Variants in ARL15 observed in about 807,000 individuals in gnomAD.
ARL15 encodes the protein ARF like GTPase 15, also known as ADP-ribosylation factor-like protein 15.
In ARL15, 19 loss-of-function variants were observed where a neutral mutation model predicts 25.2. The observed-to-expected ratio is 0.75, with a 90% confidence interval of 0.53 to 1.10. The LOEUF is 1.10. ARL15 is among the 50% of genes least tolerant of loss of function. ARL15 has a pLI of 0.00. For missense variants in ARL15, 220 were observed against 246.0 expected (o/e 0.89, Z 0.71); for synonymous variants, 94 against 86.8 (o/e 1.08, Z -0.46).
At chr5:53,910,667 A>ATATATATATATATATATC (rs1745430556) in intron 4 of ARL15, among the ~76,000 whole-genome samples, 1 of 138,986 alleles carries the variant, frequency 7.2e-6, no homozygotes, top group Non-Finnish European at 1.6e-5. Flanking sequence ...ATATATATAT[A>ATATATATATATATATATC]TATATAAAGA....
intron 1 of ARL15, among the ~76,000 whole-genome samples, chr5:54,231,368 A>G (rs949057546): frequency 2.6e-5 from 4 of 152,106 alleles, no homozygotes; most frequent in African/African-American, 9.7e-5. Flanking sequence ...ACCCTCATCC[A>G]GCCTATAACA....
intron 3 of ARL15, among the ~76,000 whole-genome samples, chr5:54,123,112 C>CTT (rs564304323): frequency 1.8e-4 from 25 of 142,166 alleles, no homozygotes; most frequent in Admixed American, 8.5e-4. Flanking sequence ...TTTTATATTC[C>CTT]TTTTTTTTTT....
intron 1 of ARL15, among the ~76,000 whole-genome samples, chr5:54,238,005 T>C (rs994929478): frequency 2.6e-5 from 4 of 152,172 alleles, no homozygotes; most frequent in Non-Finnish European, 5.9e-5. Context: ...CCAGAGGACG[T>C]TTACTATAAT....
chr5:54,113,246 A>G lies in ARL15; in HGVS notation c.418T>C (p.Leu140=), dbSNP rs752467549. The change falls in exon 4 of 5, where the codon TTG becomes CTG. Residue 140 remains leucine, a synonymous_variant. Coordinates refer to ENST00000504924, the MANE Select transcript of ARL15 (RefSeq NM_019087.3). ...PQLCTLPFLI[L]ANHQDKPAAR... is the part of the protein sequence containing the mutation. ...GCTGGCTTGTCTTGATGATTGGCCA[A>G]TATTAAAAAGGGTAAAGTGCATAAC... 1 of 1,613,874 alleles carries G rather than the reference A, an allele frequency of 6.2e-7. No homozygotes were observed. Among genetic ancestry groups the G allele is most frequent in the South Asian group, 1.1e-5 (1 of 91,076 alleles).
chr5:53,996,440 A>G (rs3776724), intron 4 of ARL15, among the ~76,000 whole-genome samples: 41,374 of 151,854 alleles, frequency 0.27, 5,833 homozygotes, highest in East Asian at 0.46. Flanking sequence ...CCAGCATGGC[A>G]AAACTCCGTC....
chr5:54,051,421 T>G (rs2111988516), intron 4 of ARL15, among the ~76,000 whole-genome samples: 1 of 152,328 alleles, frequency 6.6e-6, no homozygotes, highest in East Asian at 1.9e-4. Context: ...TTTGCTTTAA[T>G]AGTTTAACAT....
intron 1 of ARL15, among the ~76,000 whole-genome samples, chr5:54,208,153 G>C (rs1024827096): frequency 1.3e-5 from 2 of 151,998 alleles, no homozygotes; most frequent in African/African-American, 2.4e-5. Flanking sequence ...ATGTTATTGG[G>C]AGCTCTCTGA....
chr5:54,181,894 G>A (rs953907421), intron 1 of ARL15, among the ~76,000 whole-genome samples: 3 of 146,606 alleles, frequency 2.0e-5, no homozygotes. Context: ...TTTCTCTGAT[G>A]GCCAGTGATG....
intron 1 of ARL15, among the ~76,000 whole-genome samples, chr5:54,230,885 T>G (rs1218875286): frequency 6.6e-6 from 1 of 151,976 alleles, no homozygotes. Context: ...GCTTGGTAGG[T>G]AAGCAAAAAA....
At chr5:53,946,763 G>A (rs1580107125) in intron 4 of ARL15, among the ~76,000 whole-genome samples, 1 of 152,270 alleles carries the variant, frequency 6.6e-6, no homozygotes, top group East Asian at 1.9e-4. Context: ...GCCCAGGGAG[G>A]AGATGGAAAA....
chr5:54,155,519 T>C (rs1361906337), intron 2 of ARL15, among the ~76,000 whole-genome samples: 1 of 152,222 alleles, frequency 6.6e-6, no homozygotes, highest in African/African-American at 2.4e-5. Context: ...TATCCACTTA[T>C]GCATAGGCAA....
chr5:54,270,965 T>C (rs1294412196), intron 1 of ARL15, among the ~76,000 whole-genome samples: 1 of 152,126 alleles, frequency 6.6e-6, no homozygotes, highest in Non-Finnish European at 1.5e-5. Flanking sequence ...AGGAAAAAGG[T>C]GAATGTGTCA....
In ARL15 at chr5:53,954,234, C is replaced by T. The variant is rs887135661; in HGVS notation, c.463-67521G>A. On this transcript the variant is annotated intron_variant, in intron 4 of 4. Transcript: ENST00000504924. ...AAACATTTGAAGAAGCATGGTATGA[C>T]ATACAGGCAAGGAAGACCCAGCTAC... Among the ~76,000 whole-genome samples the T allele has an allele frequency of 3.9e-5, 6 of 152,078 alleles. No homozygotes were observed. In the South Asian group the frequency reaches 8.3e-4, roughly 21 times the overall value.
intron 3 of ARL15, among the ~76,000 whole-genome samples, chr5:54,128,060 A>C (rs535320049): frequency 1.3e-5 from 2 of 152,348 alleles, no homozygotes; most frequent in South Asian, 4.1e-4. Context: ...TAAATTATTC[A>C]GTCTCAGGTA....
intron 4 of ARL15, among the ~76,000 whole-genome samples, chr5:53,969,480 G>A (rs995743167): frequency 2.6e-5 from 4 of 152,072 alleles, no homozygotes; most frequent in African/African-American, 9.7e-5. Context: ...AAAAACATGT[G>A]ACAACAGTGA....
intron 4 of ARL15, among the ~76,000 whole-genome samples, chr5:53,982,019 G>A (rs1448353103): frequency 6.6e-6 from 1 of 152,144 alleles, no homozygotes; most frequent in Non-Finnish European, 1.5e-5. Context: ...CAGGTTTCAA[G>A]AGCGGAATCT....
chr5:54,105,729 C>T lies in ARL15; in HGVS notation c.462+7473G>A, dbSNP rs182879965. Among the ~76,000 whole-genome samples, 656 of 152,116 alleles carry T rather than the reference C, an allele frequency of 4.3e-3. 4 individuals carry two copies. The highest frequency in any genetic ancestry group is 0.015 in the African/African-American group (603 of 41,494). On this transcript the variant is annotated intron_variant, in intron 4 of 4. Coordinates refer to ENST00000504924, the MANE Select transcript of ARL15 (RefSeq NM_019087.3). ...TCCCAAGTAGCTGGGACTACAGGGG[C>T]GCGCCACCATGCCCAGCTAATTTTT...
intron 4 of ARL15, among the ~76,000 whole-genome samples, chr5:54,019,944 T>A (rs555177091): frequency 4.6e-5 from 7 of 152,170 alleles, no homozygotes; most frequent in Admixed American, 1.3e-4. Context: ...TCTTCTCACA[T>A]CTGAAAAGCA....
At chr5:54,207,072 C>T (rs16882447) in intron 1 of ARL15, among the ~76,000 whole-genome samples, 2 of 152,236 alleles carry the variant, frequency 1.3e-5, no homozygotes, top group East Asian at 1.9e-4. Context: ...AAAGCACCCA[C>T]GTTCCTCTAG....
Sources: gnomAD v4.1 joint callset for allele counts (sites outside exome capture counted in the v4.1 genomes callset) on GRCh38, gnomAD v4.1.1 for gene constraint, MANE v1.5 for transcripts, NCBI Gene and HGNC (gene_info 2026-07-23, HGNC 2026-07-21) for gene names.